Variants in LIPN observed in about 807,000 individuals in gnomAD.
LIPN encodes lipase family member N.
In LIPN, 32 loss-of-function variants were observed where a neutral mutation model predicts 43.7. That is an observed-to-expected ratio of 0.73 (90% CI 0.55 to 0.98). LIPN has a LOEUF of 0.98. Among genes scored for constraint, LIPN ranks in the 50% least tolerant of loss-of-function variants. The pLI is 0.00. For missense variants in LIPN, 505 were observed against 483.8 expected, an observed-to-expected ratio of 1.04 and a Z score of -0.41; for synonymous variants, 156 against 157.6, an observed-to-expected ratio of 0.99 and a Z score of 0.08.
In LIPN at chr10:88,778,283, C is replaced by T. The variant is rs1173619693; in HGVS notation, c.*41C>T. 1 of 1,464,748 alleles carries T rather than the reference C, an allele frequency of 6.8e-7. No individual in the cohort carries two copies. Among genetic ancestry groups the T allele is most frequent in the East Asian group, 2.4e-5 (1 of 41,130 alleles). The allele number at this position is 1,464,748 out of a possible 1,614,324, so 90.7% of individuals were successfully genotyped here. On this transcript the variant is annotated 3_prime_UTR_variant, in exon 10 of 10. Coordinates refer to ENST00000404459, the MANE Select transcript of LIPN (RefSeq NM_001102469.2). ...TTTTCAATTAAAAGTTGCTTCCAAGCCCATAAGGGACTTTAGAAAAAATAG... is the reference window on the plus strand; with the variant it reads ...TTTTCAATTAAAAGTTGCTTCCAAGTCCATAAGGGACTTTAGAAAAAATAG...
At chr10:88,761,731 CTAT>C (rs1843001352) in intron 2 of LIPN, among the ~76,000 whole-genome samples, 1 of 74,442 alleles carries the variant, frequency 1.3e-5, no homozygotes, top group East Asian at 5.8e-4. Context: ...ATCTATCTAT[CTAT>C]CTATCTATCT....
At position 88,774,200 on chromosome 10, in the gene LIPN, A is replaced by G. The variant is rs565701094; in HGVS notation, c.820-273A>G. On this transcript the variant is annotated intron_variant, in intron 7 of 9. Transcript: ENST00000404459. The stretch of plus-strand genomic sequence containing the variant: ...TCCTAGTTGGCTTTGCTCCATGATG[A>G]CCATTACTGTTCCTTCTACTTCAAA... Among the ~76,000 whole-genome samples the G allele has an allele frequency of 2.1e-4, 32 of 152,104 alleles. 1 individual carries two copies. Among genetic ancestry groups the G allele is most frequent in the East Asian group, 1.4e-3 (7 of 5,152 alleles).
intron 5 of LIPN, 40 bp downstream of exon 5, chr10:88,766,418 G>T: frequency 8.2e-7 from 1 of 1,213,404 alleles, no homozygotes; most frequent in South Asian, 1.2e-5. Flanking sequence ...GTTTTTGAGG[G>T]TCAGTTTTCT....
At chr10:88,774,086 G>T (rs913301633) in intron 7 of LIPN, among the ~76,000 whole-genome samples, 2 of 152,068 alleles carry the variant, frequency 1.3e-5, no homozygotes, top group East Asian at 3.9e-4. Context: ...CAACAACAGG[G>T]CCTGAACTCC....
chr10:88,759,036 A>G (rs886959949), upstream of LIPN, among the ~76,000 whole-genome samples: 1 of 152,148 alleles, frequency 6.6e-6, no homozygotes, highest in Non-Finnish European at 1.5e-5. Context: ...CATACTATCA[A>G]TCAGGGCAAA....
chr10:88,770,142 C>T (rs7904525), intron 6 of LIPN, among the ~76,000 whole-genome samples: 58,556 of 151,550 alleles, frequency 0.39, 11,552 homozygotes, highest in Middle Eastern at 0.55. Flanking sequence ...CGTCAGTTTC[C>T]CCCAGAAGCT....
At chr10:88,759,513 C>T (rs958649352), upstream of LIPN, among the ~76,000 whole-genome samples, 1 of 152,132 alleles carries the variant, frequency 6.6e-6, no homozygotes, top group Non-Finnish European at 1.5e-5. Context: ...ACCCAAATCC[C>T]TTTGGCATGT....
chr10:88,775,100 C>G lies in LIPN; in HGVS notation c.900C>G (p.His300Gln). The G allele has an allele frequency of 6.5e-7, 1 of 1,539,546 alleles. No homozygotes were observed. Among genetic ancestry groups the G allele is most frequent in the Non-Finnish European group, 8.8e-7 (1 of 1,138,884 alleles). ...HNILHIKQLY[H>Q]SDEFRAYDWG... is the part of the protein sequence containing the mutation. ...AAAAACATTTGTTTCAGCTTTACCA[C>G]TCTGATGAATTCAGAGCTTATGACT... The change falls in exon 9 of 10, where the codon CAC becomes CAG. Residue 300 changes from histidine (H) to glutamine (Q), a missense_variant. By Grantham distance (24) the His-to-Gln change is conservative. Coordinates refer to ENST00000404459, the MANE Select transcript of LIPN (RefSeq NM_001102469.2).
chr10:88,776,965 C>T (rs1320620315), intron 9 of LIPN, among the ~76,000 whole-genome samples: 1 of 152,074 alleles, frequency 6.6e-6, no homozygotes, highest in Admixed American at 6.6e-5. Context: ...GCAAGACCAT[C>T]AATTCTATCA....
chr10:88,778,292 G>A lies in LIPN; in HGVS notation c.*50G>A. On this transcript the variant is annotated 3_prime_UTR_variant, in exon 10 of 10. Coordinates refer to ENST00000404459, the MANE Select transcript of LIPN (RefSeq NM_001102469.2). The stretch of plus-strand genomic sequence containing the variant: ...AAAAGTTGCTTCCAAGCCCATAAGG[G>A]ACTTTAGAAAAAATAGTAACCAACA... The A allele has an allele frequency of 2.1e-6, 3 of 1,401,544 alleles. No individual in the cohort carries two copies. The highest frequency in any genetic ancestry group is 3.0e-6 in the Non-Finnish European group (3 of 1,016,666). 86.8% of individuals were successfully genotyped at this position (1,401,544 alleles called of 1,614,324 possible). A position where few individuals can be genotyped will look rare whatever the true frequency, so the allele number is the denominator to read the frequency against.
At chr10:88,775,837 A>G (rs897230735) in intron 9 of LIPN, among the ~76,000 whole-genome samples, 3 of 152,018 alleles carry the variant, frequency 2.0e-5, no homozygotes, top group Non-Finnish European at 2.9e-5. Context: ...TTCCCAGGCT[A>G]TCATATTTTA....
chr10:88,775,251 T>G, intron 9 of LIPN, 88 bp downstream of exon 9: 1 of 848,598 alleles, frequency 1.2e-6, no homozygotes, highest in Non-Finnish European at 1.8e-6. Context: ...CTACCTGTCA[T>G]TTGGTGGCAT....
intron 5 of LIPN, 46 bp from the exon 6 acceptor site, chr10:88,768,746 G>A (rs780242924): frequency 1.4e-5 from 22 of 1,551,658 alleles, no homozygotes; most frequent in South Asian, 6.9e-5. Context: ...GAAACACTGC[G>A]TAAGTATTTA....
upstream of LIPN, among the ~76,000 whole-genome samples, chr10:88,759,383 G>T (rs759072429): frequency 6.6e-6 from 1 of 152,132 alleles, no homozygotes; most frequent in Non-Finnish European, 1.5e-5. Context: ...ACTGAGGCAC[G>T]TGTGCCTCCA....
At chr10:88,774,388 C>A in intron 7 of LIPN, 85 bp from the exon 8 acceptor site, 2 of 792,476 alleles carry the variant, frequency 2.5e-6, no homozygotes, top group Admixed American at 2.0e-5. Context: ...GTCTTGTTTG[C>A]TAATTCTGTG....
chr10:88,766,559 A>G (rs1193424004), intron 5 of LIPN, among the ~76,000 whole-genome samples, 181 bp downstream of exon 5: 1 of 152,012 alleles, frequency 6.6e-6, no homozygotes, highest in East Asian at 1.9e-4. Flanking sequence ...TGCACAGACT[A>G]TATGTAGGGC....
intron 9 of LIPN, 33 bp from the exon 10 acceptor site, chr10:88,777,976 C>G: frequency 1.4e-6 from 2 of 1,400,332 alleles, no homozygotes; most frequent in Non-Finnish European, 2.0e-6. Flanking sequence ...GAGGAGCTTC[C>G]TCTCATGAAT....
chr10:88,773,091 G>A (rs1035594428), intron 7 of LIPN, among the ~76,000 whole-genome samples: 1 of 151,532 alleles, frequency 6.6e-6, no homozygotes, highest in African/African-American at 2.4e-5. Context: ...ACAATCTACA[G>A]ATTCAATGCA....
intron 7 of LIPN, 21 bp from the exon 8 acceptor site, chr10:88,774,452 T>A: frequency 6.3e-7 from 1 of 1,580,590 alleles, no homozygotes; most frequent in Non-Finnish European, 8.7e-7. Flanking sequence ...ATTGCTGTAA[T>A]ATGAGTTTTA....
Sources: allele counts gnomAD v4.1 joint callset (sites outside exome capture counted in the v4.1 genomes callset), GRCh38; gene constraint gnomAD v4.1.1; transcripts MANE v1.5; gene names NCBI Gene and HGNC (gene_info 2026-07-23, HGNC 2026-07-21).